FRMD4B: variants seen among roughly 807,000 people sequenced by gnomAD.
FRMD4B encodes FERM domain-containing protein 4B.
In FRMD4B, 74 loss-of-function variants were observed where a neutral mutation model predicts 141.5. The observed-to-expected ratio is 0.52, with a 90% CI of 0.43 to 0.63. The LOEUF (loss-of-function observed/expected upper bound fraction) is 0.63, where lower values mean the gene tolerates loss of function less well. Among genes scored for constraint, FRMD4B ranks in the 30% least tolerant of loss-of-function variants. FRMD4B has a pLI of 0.00. For synonymous variants in FRMD4B, 506 were observed against 467.9 expected (o/e 1.08, Z -1.05); for missense variants, 1,366 against 1,253.4 (o/e 1.09, Z -1.36).
chr3:69,280,748 G>C (rs2093641061), intron 5 of FRMD4B, among the ~76,000 whole-genome samples: 1 of 151,706 alleles, frequency 6.6e-6, no homozygotes, highest in African/African-American at 2.4e-5. Flanking sequence ...AGCCTCCCAA[G>C]TAGCTGGACC....
chr3:69,492,907 A>G (rs1420430022), intron 1 of FRMD4B, among the ~76,000 whole-genome samples: 2 of 152,202 alleles, frequency 1.3e-5, no homozygotes, highest in Non-Finnish European at 2.9e-5. Context: ...TAAGCATGAC[A>G]TATACTCTAT....
intron 1 of FRMD4B, among the ~76,000 whole-genome samples, chr3:69,488,074 AAAG>A (rs1256743561): frequency 6.6e-6 from 1 of 152,038 alleles, no homozygotes; most frequent in Non-Finnish European, 1.5e-5. Flanking sequence ...GAAAGAAAGA[AAAG>A]AAAGAAAGAG....
At chr3:69,225,694 C>CAAAAAAAAAAAAA (rs144489759) in intron 7 of FRMD4B, among the ~76,000 whole-genome samples, 1 of 23,358 alleles carries the variant, frequency 4.3e-5, no homozygotes, top group African/African-American at 1.8e-4. Context: ...GACTCCGTCT[C>CAAAAAAAAAAAAA]AAAAAAAAAA....
intron 4 of FRMD4B, 128 bp downstream of exon 4, chr3:69,302,215 T>C (rs1221091029): frequency 3.1e-6 from 2 of 646,532 alleles, no homozygotes; most frequent in Non-Finnish European, 5.6e-6. Context: ...AATGTTTTGA[T>C]AGGTCTCTTC....
chr3:69,250,290 C>CGCGT lies in FRMD4B; in HGVS notation c.502-192_502-191insACGC, dbSNP rs10662337. The CGCGT allele has an allele frequency of 2.1e-4, 89 of 418,738 alleles. No individual in the cohort carries two copies. In the East Asian group the frequency reaches 3.0e-3, roughly 14 times the overall value. The allele number at this position is 418,738 out of a possible 1,614,324, so 25.9% of individuals were successfully genotyped here. Reference sequence around the variant, plus strand: ...GGTTAAGGCGAAACCACTGTGTGTGCGTGTGTGTGTGTGTGTGTGTGTGTG... The same window carrying CGCGT: ...GGTTAAGGCGAAACCACTGTGTGTGCGCGTGTGTGTGTGTGTGTGTGTGTGTGTG... On this transcript the variant is annotated intron_variant, in intron 5 of 22. Transcript: ENST00000398540.
At chr3:69,211,140 C>A (rs914616192) in intron 11 of FRMD4B, among the ~76,000 whole-genome samples, 1 of 151,604 alleles carries the variant, frequency 6.6e-6, no homozygotes, top group Non-Finnish European at 1.5e-5. Context: ...ATTTCCCATA[C>A]TCTTTTATTG....
chr3:69,408,170 T>C (rs1559518948), intron 2 of FRMD4B, among the ~76,000 whole-genome samples: 1 of 152,266 alleles, frequency 6.6e-6, no homozygotes, highest in Middle Eastern at 3.4e-3. Context: ...TAGGAATTAA[T>C]GCATAGATGA....
intron 1 of FRMD4B, among the ~76,000 whole-genome samples, chr3:69,362,909 TTTG>T (rs3032167): frequency 2.6e-5 from 4 of 151,226 alleles, no homozygotes; most frequent in African/African-American, 4.8e-5. Flanking sequence ...TTTGAATACT[TTTG>T]TTGTTGTTGT....
rs1488307012 is a variant in FRMD4B, at chr3:69,456,488, G to A, written c.-128-23727C>T. On this transcript the variant is annotated intron_variant, in intron 1 of 5. Transcript: ENST00000459638. ...ATTAAGGAAATTAAATGCCCGTAAA[G>A]GAGAGATTGGTTGCAAAAGTTATGC... Among the ~76,000 whole-genome samples, 3 of 148,674 alleles carry A rather than the reference G, an allele frequency of 2.0e-5. No individual in the cohort carries two copies. The East Asian group carries it at 5.8e-4, about 29-fold the overall frequency.
At chr3:69,265,727 G>A (rs560015730) in intron 5 of FRMD4B, among the ~76,000 whole-genome samples, 3 of 152,022 alleles carry the variant, frequency 2.0e-5, no homozygotes, top group Admixed American at 6.5e-5. Context: ...GATTACAGGC[G>A]TGAGCCACAG....
In FRMD4B at chr3:69,369,921, C is replaced by T. The variant is rs759319082; in HGVS notation, c.162+15907G>A. ...CTTTAGCAATGATGATGGCAGATTC[C>T]GTCATTATTTGATGGTGCTAATTAG... On this transcript the variant is annotated intron_variant, in intron 1 of 22. Transcript: ENST00000398540. Among the ~76,000 whole-genome samples, 203 of 152,042 alleles carry T rather than the reference C, an allele frequency of 1.3e-3. 5 individuals are homozygous for T. The highest frequency in any genetic ancestry group is 2.2e-4 in the Non-Finnish European group (15 of 68,018).
intron 1 of FRMD4B, among the ~76,000 whole-genome samples, chr3:69,478,335 GGCATTTAGT>G (rs1272569700): frequency 1.3e-5 from 2 of 152,006 alleles, no homozygotes; most frequent in Non-Finnish European, 2.9e-5. Flanking sequence ...TTCTCTTGTG[GGCATTTAGT>G]GCTATGAATT....
intron 2 of FRMD4B, among the ~76,000 whole-genome samples, chr3:69,427,648 T>G (rs912357987): frequency 1.7e-5 from 2 of 115,670 alleles, no homozygotes; most frequent in East Asian, 2.7e-4. Context: ...TAAATGTTTT[T>G]TTTTTTTTTT....
chr3:69,473,785 T>C (rs923757748), intron 1 of FRMD4B, among the ~76,000 whole-genome samples: 1 of 152,168 alleles, frequency 6.6e-6, no homozygotes, highest in Admixed American at 6.5e-5. Flanking sequence ...CAAAGTAGCT[T>C]TGGGCAAGGG....
At chr3:69,454,440 A>G (rs998940934) in intron 1 of FRMD4B, among the ~76,000 whole-genome samples, 1 of 152,170 alleles carries the variant, frequency 6.6e-6, no homozygotes, top group Non-Finnish European at 1.5e-5. Flanking sequence ...GTGTGGAGGA[A>G]GAGGTGCAAG....
chr3:69,255,069 C>T (rs145068235), intron 5 of FRMD4B, among the ~76,000 whole-genome samples: 1 of 152,206 alleles, frequency 6.6e-6, no homozygotes, highest in Non-Finnish European at 1.5e-5. Context: ...ATTACAAGGA[C>T]GTTACTGGGA....
intron 7 of FRMD4B, among the ~76,000 whole-genome samples, chr3:69,238,332 G>A (rs1397824368): frequency 6.6e-6 from 1 of 152,104 alleles, no homozygotes; most frequent in Non-Finnish European, 1.5e-5. Context: ...TTCAGTCCCA[G>A]GTCTCTCTGT....
At chr3:69,254,137 T>C (rs1483914044) in intron 5 of FRMD4B, among the ~76,000 whole-genome samples, 2 of 151,922 alleles carry the variant, frequency 1.3e-5, no homozygotes, top group Admixed American at 1.3e-4. Flanking sequence ...CGGAGTCTCA[T>C]ACTGTTGCCC....
chr3:69,175,963 G>A (rs2092640682), intron 22 of FRMD4B, among the ~76,000 whole-genome samples: 1 of 151,742 alleles, frequency 6.6e-6, no homozygotes, highest in African/African-American at 2.4e-5. Flanking sequence ...TGTATTTTTA[G>A]TAGAGATGGG....
Sources: allele counts gnomAD v4.1 joint callset (sites outside exome capture counted in the v4.1 genomes callset), GRCh38; gene constraint gnomAD v4.1.1; transcripts MANE v1.5; gene names NCBI Gene and HGNC (gene_info 2026-07-23, HGNC 2026-07-21).